NDUFV2: variants seen among roughly 807,000 people sequenced by gnomAD.
The protein encoded by NDUFV2 is NADH dehydrogenase [ubiquinone] flavoprotein 2, mitochondrial.
In NDUFV2, 18 loss-of-function variants were observed where a neutral mutation model predicts 31.6. That is an observed-to-expected ratio of 0.57 (90% confidence interval 0.39 to 0.84). The LOEUF is 0.84. Among genes scored for constraint, NDUFV2 ranks in the 40% least tolerant of loss-of-function variants. The pLI, the probability that NDUFV2 is intolerant of heterozygous loss-of-function variation, is 0.00. For missense variants in NDUFV2, 314 were observed against 303.6 expected (o/e 1.03, Z -0.26); for synonymous variants, 83 against 99.8 (o/e 0.83, Z 1.01).
chr18:9,109,734 C>T (rs952978726), intron 1 of NDUFV2, among the ~76,000 whole-genome samples: 1 of 152,026 alleles, frequency 6.6e-6, no homozygotes, highest in Admixed American at 6.6e-5. Context: ...CTGAGTTTCT[C>T]TAAATGTAAA....
Position 9,119,463 on chromosome 18 carries a change from C to T in NDUFV2, c.184-11C>T. 6.2e-7 allele frequency: 1 copy of T among 1,609,880 alleles called. No individual in the cohort carries two copies. Among genetic ancestry groups the T allele is most frequent in the Non-Finnish European group, 8.5e-7 (1 of 1,176,388 alleles). ...CTAGATGTATAAAATGATGTTCTTT[C>T]TTTTATACAGAGGATAGAGGCAATT... On this transcript the variant is annotated splice_polypyrimidine_tract_variant and intron_variant, in intron 3 of 7. Transcript: ENST00000318388.
intron 6 of NDUFV2, among the ~76,000 whole-genome samples, chr18:9,126,199 G>C (rs1021192102): frequency 6.6e-6 from 1 of 152,206 alleles, no homozygotes; most frequent in Non-Finnish European, 1.5e-5. Flanking sequence ...TCAGTTAGCA[G>C]TAGTTAGATC....
intron 7 of NDUFV2, among the ~76,000 whole-genome samples, chr18:9,132,761 G>T (rs568803011): frequency 6.6e-6 from 1 of 152,324 alleles, no homozygotes; most frequent in African/African-American, 2.4e-5. Flanking sequence ...TGTAGTCCCA[G>T]CTACGTGGGA....
chr18:9,128,324 C>G (rs1442017218), intron 7 of NDUFV2, among the ~76,000 whole-genome samples: 2 of 152,166 alleles, frequency 1.3e-5, no homozygotes, highest in Non-Finnish European at 2.9e-5. Flanking sequence ...CTCTCTAAAA[C>G]TACTAATAAT....
At chr18:9,122,332 C>T (rs920806554) in intron 4 of NDUFV2, among the ~76,000 whole-genome samples, 181 bp from the exon 5 acceptor site, 1 of 152,154 alleles carries the variant, frequency 6.6e-6, no homozygotes, top group African/African-American at 2.4e-5. Context: ...AGTACATTGT[C>T]TGCAAAAATT....
At chr18:9,114,400 A>T (rs544493354) in intron 1 of NDUFV2, among the ~76,000 whole-genome samples, 17 of 151,842 alleles carry the variant, frequency 1.1e-4, no homozygotes, top group African/African-American at 3.4e-4. Flanking sequence ...CTAACAGCAC[A>T]ATTTTTTAAA....
intron 1 of NDUFV2, among the ~76,000 whole-genome samples, chr18:9,117,006 C>T (rs929308707): frequency 1.3e-5 from 2 of 151,572 alleles, no homozygotes; most frequent in Admixed American, 6.6e-5. Flanking sequence ...ATTGTCAGTC[C>T]GCATAGCATC....
intron 7 of NDUFV2, among the ~76,000 whole-genome samples, chr18:9,131,022 A>C (rs1447765704): frequency 6.6e-6 from 1 of 152,200 alleles, no homozygotes; most frequent in Non-Finnish European, 1.5e-5. Context: ...ACTCCTCCAA[A>C]ACTTTACTCA....
In NDUFV2 at chr18:9,119,491, A is replaced by T. The variant is rs41274300; in HGVS notation, c.201A>T (p.Val67=). 167,720 of 1,613,072 alleles carry T rather than the reference A, an allele frequency of 0.1. 9,749 individuals are homozygous for T. The highest frequency in any genetic ancestry group is 0.16 in the African/African-American group (11,812 of 74,990). ...PENYKRIEAI[V]KNYPEGHKAA... ...TTATACAGAGGATAGAGGCAATTGT[A>T]AAAAACTATCCAGAAGGCCATAAAG... Residue 67 remains valine, a synonymous_variant, in exon 4 of 8, where the codon GTA becomes GTT. Transcript: ENST00000318388.
chr18:9,132,907 T>G (rs959658494), intron 7 of NDUFV2, among the ~76,000 whole-genome samples: 1 of 152,146 alleles, frequency 6.6e-6, no homozygotes, highest in African/African-American at 2.4e-5. Context: ...AATTGCAAAA[T>G]ATAATACTGT....
chr18:9,128,648 T>C (rs1002900429), intron 7 of NDUFV2, among the ~76,000 whole-genome samples: 1 of 152,210 alleles, frequency 6.6e-6, no homozygotes, highest in Non-Finnish European at 1.5e-5. Flanking sequence ...CTCCTATCCC[T>C]TACTTATTCT....
At position 9,126,185 on chromosome 18, in the gene NDUFV2, T is replaced by A. The variant is rs117405150; in HGVS notation, c.580-646T>A. Reference sequence around the variant, plus strand: ...AGATGGGTTTGTTTGAGATAGGTATTCTTTCAGTTAGCAGTAGTTAGATCT... The same window carrying A: ...AGATGGGTTTGTTTGAGATAGGTATACTTTCAGTTAGCAGTAGTTAGATCT... On this transcript the variant is annotated intron_variant, in intron 6 of 7. Coordinates refer to ENST00000318388, the MANE Select transcript of NDUFV2 (RefSeq NM_021074.5). Among the ~76,000 whole-genome samples, 465 of 152,344 alleles carry A rather than the reference T, an allele frequency of 3.1e-3. 10 individuals are homozygous for A. The East Asian group carries it at 0.076, about 25-fold the overall frequency.
At chr18:9,114,931 T>A (rs1387539432) in intron 1 of NDUFV2, among the ~76,000 whole-genome samples, 3 of 152,234 alleles carry the variant, frequency 2.0e-5, no homozygotes, top group Admixed American at 6.5e-5. Flanking sequence ...TATATTTTTA[T>A]TTTAAGTAAA....
Position 9,119,295 on chromosome 18 carries a change from A to G in NDUFV2, c.121-31A>G, listed in dbSNP as rs373948458. 2.0e-4 allele frequency: 315 copies of G among 1,537,954 alleles called. 3 individuals carry two copies. The highest frequency in any genetic ancestry group is 1.3e-4 in the Admixed American group (8 of 59,852). On this transcript the variant is annotated intron_variant, in intron 2 of 7. Transcript: ENST00000318388. ...GTCATTCACACTTGAGAGAATTTGG[A>G]TAAGTCTGAAAAACTGTTTTTGTTG...
intron 7 of NDUFV2, among the ~76,000 whole-genome samples, chr18:9,131,864 A>G (rs187963421): frequency 8.4e-4 from 128 of 152,336 alleles, no homozygotes; most frequent in African/African-American, 3.0e-3. Flanking sequence ...GAAAAACACT[A>G]GTGTAAATTG....
chr18:9,118,296 G>A (rs780739782), intron 2 of NDUFV2, among the ~76,000 whole-genome samples: 24 of 152,188 alleles, frequency 1.6e-4, no homozygotes, highest in Admixed American at 3.3e-4. Context: ...TTAGCAGCTG[G>A]TCTTTATATT....
chr18:9,113,992 A>C (rs1242277485), intron 1 of NDUFV2, among the ~76,000 whole-genome samples: 1 of 152,228 alleles, frequency 6.6e-6, no homozygotes, highest in Non-Finnish European at 1.5e-5. Context: ...GCTGTGCATC[A>C]CTGCTAAGGG....
At chr18:9,124,447 C>CTTTT (rs534490648) in intron 5 of NDUFV2, among the ~76,000 whole-genome samples, 1 of 113,390 alleles carries the variant, frequency 8.8e-6, no homozygotes, top group Non-Finnish European at 1.9e-5. Flanking sequence ...TTTTAAAAAA[C>CTTTT]TTTTTTTTTT....
chr18:9,122,481 T>A (rs751454765), intron 4 of NDUFV2, 32 bp from the exon 5 acceptor site: 1 of 1,544,052 alleles, frequency 6.5e-7, no homozygotes, highest in African/African-American at 1.4e-5. Flanking sequence ...AACACTGTAA[T>A]TATCTTATTT....
Sources: allele counts gnomAD v4.1 joint callset (sites outside exome capture counted in the v4.1 genomes callset), GRCh38; gene constraint gnomAD v4.1.1; transcripts MANE v1.5; gene names NCBI Gene and HGNC (gene_info 2026-07-23, HGNC 2026-07-21).